Variants in PCDHA9 observed in about 807,000 individuals in gnomAD.
The protein encoded by PCDHA9 is protocadherin alpha-9.
A neutral mutation model predicts 62.0 loss-of-function variants in PCDHA9; 62 were observed. That is an observed-to-expected ratio of 1.00 (90% CI 0.81 to 1.23). PCDHA9 has a LOEUF of 1.23. PCDHA9 is among the 50% of genes most tolerant of loss of function. PCDHA9 has a pLI of 0.00. For missense variants in PCDHA9, 1,205 were observed against 1,249.8 expected (o/e 0.96, Z 0.54); for synonymous variants, 557 against 567.6 (o/e 0.98, Z 0.27).
intron 1 of PCDHA9, among the ~76,000 whole-genome samples, chr5:140,952,530 A>T (rs246033): frequency 6.6e-6 from 1 of 151,882 alleles, no homozygotes; most frequent in Non-Finnish European, 1.5e-5. Context: ...ACCTCCTCAG[A>T]CTGGACTTCT....
intron 2 of PCDHA9, among the ~76,000 whole-genome samples, chr5:140,980,631 A>G (rs1272240071): frequency 6.6e-6 from 1 of 152,222 alleles, no homozygotes; most frequent in Non-Finnish European, 1.5e-5. Flanking sequence ...TCTGTCTCAG[A>G]AGAATAAATA....
intron 1 of PCDHA9, among the ~76,000 whole-genome samples, chr5:140,898,335 A>C (rs1232674937): frequency 2.6e-5 from 4 of 152,208 alleles, no homozygotes; most frequent in African/African-American, 9.6e-5. Context: ...CTAACGTTTA[A>C]GTCTTTAATC....
Position 140,993,289 on chromosome 5 carries a change from C to T in PCDHA9, c.2542+10726C>T, listed in dbSNP as rs148346866. Among the ~76,000 whole-genome samples the T allele has an allele frequency of 3.6e-3, 552 of 152,140 alleles. 3 individuals are homozygous for T. The highest frequency in any genetic ancestry group is 0.01 in the Middle Eastern group (3 of 294). On this transcript the variant is annotated intron_variant, in intron 3 of 3. Coordinates refer to ENST00000532602, the MANE Select transcript of PCDHA9 (RefSeq NM_031857.2). ...TCTTTGGTCTTTTCTTGCCCAGGGTCACAACCTTGCCTCCAGGATAATACC... is the reference window on the plus strand; with the variant it reads ...TCTTTGGTCTTTTCTTGCCCAGGGTTACAACCTTGCCTCCAGGATAATACC...
chr5:140,986,371 G>A (rs1453761888), intron 3 of PCDHA9, among the ~76,000 whole-genome samples: 1 of 152,116 alleles, frequency 6.6e-6, no homozygotes, highest in African/African-American at 2.4e-5. Context: ...AATGCGTTTT[G>A]GGGGGAGGGA....
intron 1 of PCDHA9, among the ~76,000 whole-genome samples, chr5:140,923,268 G>C (rs2081286092): frequency 6.6e-6 from 1 of 152,154 alleles, no homozygotes; most frequent in Non-Finnish European, 1.5e-5. Context: ...GTGAGACCTT[G>C]TCTCTACAAA....
chr5:140,906,316 A>G (rs191261196), intron 1 of PCDHA9, among the ~76,000 whole-genome samples: 377 of 152,344 alleles, frequency 2.5e-3, no homozygotes, highest in African/African-American at 8.6e-3. Flanking sequence ...TATTCCCAAC[A>G]TGATACAACT....
intron 1 of PCDHA9, chr5:140,857,451 C>T (rs782451627): frequency 1.3e-6 from 2 of 1,598,488 alleles, no homozygotes; most frequent in Non-Finnish European, 1.7e-6. Flanking sequence ...GAGAACAACC[C>T]GCCAGGCTGC....
At chr5:140,869,222 AAC>A (rs1554162674) in intron 1 of PCDHA9, 2 of 1,613,834 alleles carry the variant, frequency 1.2e-6, no homozygotes, top group South Asian at 2.2e-5. Context: ...GAGGAGGCCA[AAC>A]ACGGCACCTT....
At chr5:140,971,778 G>C (rs1346530602) in intron 1 of PCDHA9, among the ~76,000 whole-genome samples, 2 of 151,860 alleles carry the variant, frequency 1.3e-5, no homozygotes, top group Non-Finnish European at 2.9e-5. Context: ...TATTATTCAA[G>C]ATTATTCAAT....
In PCDHA9 at chr5:140,856,566, C is replaced by T. The variant is rs2044089469; in HGVS notation, c.2394+5677C>T. On this transcript the variant is annotated intron_variant, in intron 1 of 3. Transcript: ENST00000532602. ...GCATTGCTTACTTACAAACTCAGTC[C>T]AAATGAGTATTTTGTTCTTGATATT... is the stretch of plus-strand genomic sequence containing the variant. 2.5e-6 allele frequency: 4 copies of T among 1,597,124 alleles called. 1 individual carries two copies. Among genetic ancestry groups the T allele is most frequent in the Non-Finnish European group, 3.4e-6 (4 of 1,166,856 alleles).
At chr5:140,888,834 C>T (rs2061995964) in intron 1 of PCDHA9, among the ~76,000 whole-genome samples, 1 of 152,080 alleles carries the variant, frequency 6.6e-6, no homozygotes, top group Non-Finnish European at 1.5e-5. Context: ...CATCACTCCA[C>T]TGCAGCCTGG....
At chr5:140,918,853 C>T (rs1348069562) in intron 1 of PCDHA9, among the ~76,000 whole-genome samples, 4 of 152,134 alleles carry the variant, frequency 2.6e-5, no homozygotes, top group Non-Finnish European at 5.9e-5. Context: ...CTGCTGGTGC[C>T]TGAATCATGA....
chr5:140,988,864 C>T (rs1017144453), intron 3 of PCDHA9: 2 of 152,190 alleles, frequency 1.3e-5, no homozygotes, highest in Non-Finnish European at 2.9e-5. Flanking sequence ...GTCTCATGTG[C>T]ACTCAGATGT....
chr5:140,876,326 T>C, intron 1 of PCDHA9: 4 of 1,614,046 alleles, frequency 2.5e-6, no homozygotes, highest in Non-Finnish European at 3.4e-6. Context: ...AAAATGATTT[T>C]GCCAGTGAGT....
intron 3 of PCDHA9, among the ~76,000 whole-genome samples, chr5:141,002,446 G>T (rs1456078562): frequency 1.3e-5 from 2 of 152,156 alleles, no homozygotes; most frequent in Admixed American, 6.5e-5. Context: ...ATAATAATTG[G>T]CACATTTGTA....
At chr5:140,851,846 T>C in intron 1 of PCDHA9, 1 of 970,670 alleles carries the variant, frequency 1.0e-6, no homozygotes, top group Non-Finnish European at 1.2e-6. Context: ...TATCTTTTTC[T>C]CCTCTCAGCT....
chr5:140,881,097 A>G (rs1179635604), intron 1 of PCDHA9, among the ~76,000 whole-genome samples: 1 of 152,262 alleles, frequency 6.6e-6, no homozygotes, highest in Non-Finnish European at 1.5e-5. Flanking sequence ...TTTTCATTAC[A>G]CCATTTGGCC....
intron 1 of PCDHA9, among the ~76,000 whole-genome samples, chr5:140,895,468 CCT>C (rs2065019844): frequency 6.6e-6 from 1 of 152,130 alleles, no homozygotes; most frequent in Non-Finnish European, 1.5e-5. Flanking sequence ...ATTTCTTTAT[CCT>C]CTTCGGAGAA....
chr5:140,993,281 C>T (rs2097548459), intron 3 of PCDHA9, among the ~76,000 whole-genome samples: 1 of 152,102 alleles, frequency 6.6e-6, no homozygotes. Flanking sequence ...TCTTTTCTTG[C>T]CCAGGGTCAC....
Sources: allele counts gnomAD v4.1 joint callset (sites outside exome capture counted in the v4.1 genomes callset), GRCh38; gene constraint gnomAD v4.1.1; transcripts MANE v1.5; gene names NCBI Gene and HGNC (gene_info 2026-07-23, HGNC 2026-07-21).